The following PALM2AKAP2 variants were observed in gnomAD, a reference collection of about 807,000 sequenced individuals.
PALM2AKAP2 encodes the protein PALM2 and AKAP2 fusion.
A neutral mutation model predicts 71.5 loss-of-function variants in PALM2AKAP2; 37 were observed. The ratio of observed to expected loss-of-function variants is 0.52; its 90% CI spans 0.40 to 0.68. The LOEUF (loss-of-function observed/expected upper bound fraction) is 0.68, where lower values mean the gene tolerates loss of function less well. PALM2AKAP2 is among the 30% of genes least tolerant of loss of function. The pLI is 0.00. For synonymous variants in PALM2AKAP2, 468 were observed against 478.8 expected (o/e 0.98, Z 0.29); for missense variants, 1,224 against 1,191.8 (o/e 1.03, Z -0.40).
chr9:109,839,660 C>G (rs1049657901), intron 1 of PALM2AKAP2, among the ~76,000 whole-genome samples: 2 of 152,206 alleles, frequency 1.3e-5, no homozygotes, highest in Non-Finnish European at 2.9e-5. Context: ...AGCTGATAAG[C>G]AACTTCAGCA....
intron 2 of PALM2AKAP2, among the ~76,000 whole-genome samples, chr9:109,872,541 T>C (rs1336782965): frequency 2.0e-5 from 3 of 152,218 alleles, no homozygotes; most frequent in African/African-American, 7.2e-5. Context: ...TGCCTTTGAA[T>C]TACTTATTCA....
intron 1 of PALM2AKAP2, among the ~76,000 whole-genome samples, chr9:109,721,770 T>C (rs1235222856): frequency 4.6e-5 from 7 of 152,202 alleles, no homozygotes; most frequent in Admixed American, 3.9e-4. Flanking sequence ...GATTGGAAAG[T>C]AGTCTTTGGG....
intron 1 of PALM2AKAP2, among the ~76,000 whole-genome samples, chr9:109,685,917 T>A (rs537894341): frequency 1.3e-5 from 2 of 152,324 alleles, no homozygotes; most frequent in African/African-American, 4.8e-5. Context: ...AAACCCTGCC[T>A]TGTAAACTAA....
intron 1 of PALM2AKAP2, among the ~76,000 whole-genome samples, chr9:109,728,221 T>C (rs1416158036): frequency 6.6e-6 from 1 of 152,154 alleles, no homozygotes; most frequent in African/African-American, 2.4e-5. Flanking sequence ...AATTGTGTTA[T>C]GATAACAACA....
intron 1 of PALM2AKAP2, among the ~76,000 whole-genome samples, chr9:109,831,252 A>G (rs1828294252): frequency 2.0e-5 from 3 of 151,672 alleles, no homozygotes; most frequent in South Asian, 4.2e-4. Context: ...ACTTATAGCG[A>G]TGTGTGCCTC....
intron 2 of PALM2AKAP2, among the ~76,000 whole-genome samples, chr9:109,880,122 A>G (rs1022577077): frequency 1.3e-5 from 2 of 152,242 alleles, no homozygotes; most frequent in Non-Finnish European, 2.9e-5. Context: ...TGGACCAGAT[A>G]TTAGGTGGTC....
At chr9:109,897,558 A>G (rs1830230766) in intron 3 of PALM2AKAP2, among the ~76,000 whole-genome samples, 1 of 152,142 alleles carries the variant, frequency 6.6e-6, no homozygotes, top group East Asian at 1.9e-4. Flanking sequence ...CAGCCTGGGC[A>G]ACAGAGGGAG....
chr9:110,128,874 A>G (rs900310442), intron 1 of PALM2AKAP2, among the ~76,000 whole-genome samples: 2 of 152,244 alleles, frequency 1.3e-5, no homozygotes, highest in Admixed American at 1.3e-4. Context: ...CTGTAGGCCT[A>G]GGTACCCTGG....
intron 1 of PALM2AKAP2, among the ~76,000 whole-genome samples, chr9:109,798,412 G>A (rs1364204481): frequency 2.0e-5 from 3 of 152,170 alleles, no homozygotes; most frequent in Non-Finnish European, 2.9e-5. Flanking sequence ...GTGTCCCAGG[G>A]GAATGGCTAA....
At chr9:110,085,164 C>A (rs1351600763) in intron 1 of PALM2AKAP2, among the ~76,000 whole-genome samples, 1 of 152,148 alleles carries the variant, frequency 6.6e-6, no homozygotes, top group South Asian at 2.1e-4. Flanking sequence ...GGGAAGCAGG[C>A]CGAAGTGGTG....
intron 1 of PALM2AKAP2, among the ~76,000 whole-genome samples, chr9:109,644,183 C>T (rs1360307416): frequency 2.0e-5 from 3 of 152,152 alleles, no homozygotes; most frequent in Non-Finnish European, 2.9e-5. Context: ...CAATCTACAT[C>T]ACTTAATATA....
At chr9:110,049,811 T>C (rs1809273840) in intron 1 of PALM2AKAP2, among the ~76,000 whole-genome samples, 2 of 152,146 alleles carry the variant, frequency 1.3e-5, no homozygotes, top group South Asian at 4.1e-4. Context: ...AGCAGGGAGC[T>C]GTGGCGCTGG....
intron 3 of PALM2AKAP2, among the ~76,000 whole-genome samples, chr9:109,896,534 G>T (rs1483158784): frequency 3.3e-5 from 5 of 152,144 alleles, no homozygotes; most frequent in African/African-American, 1.2e-4. Context: ...ATTCAGGCCA[G>T]GCATAGTGGC....
At chr9:109,737,584 G>T (rs1260148061) in intron 1 of PALM2AKAP2, among the ~76,000 whole-genome samples, 1 of 152,230 alleles carries the variant, frequency 6.6e-6, no homozygotes. Context: ...AGAAAGAAAG[G>T]TTGAAGGAAA....
exon 2 of PALM2AKAP2, chr9:110,137,348 C>A: frequency 1.2e-6 from 2 of 1,614,184 alleles, no homozygotes; most frequent in Non-Finnish European, 1.7e-6. Context: ...ACTGACTAAT[C>A]CGAGACCACC....
At chr9:109,789,597 A>T (rs1425928609) in intron 1 of PALM2AKAP2, among the ~76,000 whole-genome samples, 1 of 152,176 alleles carries the variant, frequency 6.6e-6, no homozygotes, top group Middle Eastern at 3.2e-3. Flanking sequence ...GTATATCTTA[A>T]AACACAAAGC....
chr9:110,130,852 A>G (rs1835718257), intron 1 of PALM2AKAP2, among the ~76,000 whole-genome samples: 3 of 152,214 alleles, frequency 2.0e-5, no homozygotes, highest in Admixed American at 2.0e-4. Context: ...AAGATCTCTA[A>G]TCCACAAATT....
chr9:109,653,797 T>TG (rs1199241660), intron 1 of PALM2AKAP2, among the ~76,000 whole-genome samples: 1 of 152,126 alleles, frequency 6.6e-6, no homozygotes, highest in Admixed American at 6.5e-5. Context: ...GATGTGGGTG[T>TG]GGGGTTCCTC....
intron 1 of PALM2AKAP2, among the ~76,000 whole-genome samples, chr9:109,692,696 T>G (rs1325811060): frequency 6.6e-6 from 1 of 152,026 alleles, no homozygotes; most frequent in Non-Finnish European, 1.5e-5. Flanking sequence ...TATTACTATA[T>G]GGTTTTCCTT....
Sources: gnomAD v4.1 joint callset for allele counts (sites outside exome capture counted in the v4.1 genomes callset) on GRCh38, gnomAD v4.1.1 for gene constraint, MANE v1.5 for transcripts, NCBI Gene and HGNC (gene_info 2026-07-23, HGNC 2026-07-21) for gene names.